ADAMTS18: variants seen among roughly 807,000 people sequenced by gnomAD.
The protein encoded by ADAMTS18 is A disintegrin and metalloproteinase with thrombospondin motifs 18.
Under a neutral mutation model 165.9 loss-of-function variants are expected in ADAMTS18, and 157 were observed. The observed-to-expected ratio is 0.95, with a 90% CI of 0.83 to 1.08. The LOEUF (loss-of-function observed/expected upper bound fraction) is 1.08. Among genes scored for constraint, ADAMTS18 ranks in the 50% least tolerant of loss-of-function variants. The pLI is 0.00. For synonymous variants in ADAMTS18, 782 were observed against 578.2 expected, an observed-to-expected ratio of 1.35 and a Z score of -5.06; for missense variants, 2,040 against 1,534.0, an observed-to-expected ratio of 1.33 and a Z score of -5.51.
At chr16:77,362,361 T>C (rs2056728426) in intron 6 of ADAMTS18, 97 bp from the exon 7 acceptor site, 3 of 1,402,454 alleles carry the variant, frequency 2.1e-6, no homozygotes, top group Non-Finnish European at 3.0e-6. Flanking sequence ...AACATATTTC[T>C]AGGGAAAAAG....
chr16:77,289,291 T>C lies in ADAMTS18; in HGVS notation c.3523A>G (p.Asn1175Asp), dbSNP rs1597078566. ...KPPVLRACNT[N>D]FCPAPEKRED... is the part of the protein sequence containing the mutation. ...CTCTTTTCAGGAGCTGGACAGAAGT[T>C]TGTATTACAGGCTCGTAGCACCGGA... Residue 1175 changes from asparagine (N) to aspartate (D), a missense_variant, in exon 22 of 23, where the codon AAC (asparagine) becomes GAC (aspartate). Asn to Asp is a conservative substitution (Grantham distance 23). Transcript: ENST00000282849. The C allele has an allele frequency of 6.2e-7, 1 of 1,614,138 alleles. No homozygotes were observed.
intron 3 of ADAMTS18, among the ~76,000 whole-genome samples, chr16:77,428,060 T>C (rs1244633200): frequency 6.6e-6 from 1 of 152,214 alleles, no homozygotes; most frequent in Admixed American, 6.5e-5. Flanking sequence ...TTTCCTAATA[T>C]ACACTGCATG....
intron 3 of ADAMTS18, among the ~76,000 whole-genome samples, chr16:77,380,138 T>TA (rs1809246887): frequency 6.6e-6 from 1 of 152,188 alleles, no homozygotes; most frequent in African/African-American, 2.4e-5. Flanking sequence ...CAAAATGAAT[T>TA]ATCCTTTCAC....
intron 10 of ADAMTS18, among the ~76,000 whole-genome samples, chr16:77,342,780 G>C (rs930193614): frequency 6.6e-6 from 1 of 152,192 alleles, no homozygotes; most frequent in Non-Finnish European, 1.5e-5. Context: ...TAAAGTTACA[G>C]ATGCAATTGA....
intron 11 of ADAMTS18, among the ~76,000 whole-genome samples, chr16:77,336,805 C>A (rs1460352185): frequency 6.6e-6 from 1 of 152,168 alleles, no homozygotes; most frequent in East Asian, 1.9e-4. Flanking sequence ...GTTGCCTACC[C>A]CCAATCCCCA....
chr16:77,362,621 C>A (rs2056732550), intron 6 of ADAMTS18, among the ~76,000 whole-genome samples: 1 of 152,086 alleles, frequency 6.6e-6, no homozygotes, highest in Admixed American at 6.6e-5. Flanking sequence ...TCCATAAAGC[C>A]TCATCATTAT....
chr16:77,321,731 T>G (rs80055101), intron 14 of ADAMTS18, among the ~76,000 whole-genome samples: 13,288 of 152,316 alleles, frequency 0.087, 799 homozygotes, highest in East Asian at 0.27. Context: ...ATTTACATTC[T>G]TATTTCATTT....
intron 2 of ADAMTS18, 69 bp downstream of exon 2, chr16:77,434,349 C>A: frequency 6.6e-7 from 1 of 1,518,790 alleles, no homozygotes; most frequent in Non-Finnish European, 8.8e-7. Flanking sequence ...CATCTTTTCT[C>A]TCTTTGGGGG....
At chr16:77,298,733 A>G (rs979858509) in intron 17 of ADAMTS18, among the ~76,000 whole-genome samples, 3 of 151,978 alleles carry the variant, frequency 2.0e-5, no homozygotes, top group African/African-American at 7.3e-5. Context: ...TCGAGGCAGC[A>G]GTGAGCCGTA....
rs528133145 is a variant in ADAMTS18, at chr16:77,284,046, G to T, written c.3576C>A (p.Phe1192Leu). The change falls in exon 23 of 23, where the codon TTC becomes TTA. Residue 1192 changes from phenylalanine (F) to leucine (L), a missense_variant. Coordinates refer to ENST00000282849, the MANE Select transcript of ADAMTS18 (RefSeq NM_199355.4). ...KREDPSCVDFFNWCHLVPQHG... is the reference protein window; with the variant it reads ...KREDPSCVDFLNWCHLVPQHG... ...GCTGAGGAACTAGGTGACACCAGTTGAAGAAATCTACGCAGGATGGATCCT... is the reference window on the plus strand; with the variant it reads ...GCTGAGGAACTAGGTGACACCAGTTTAAGAAATCTACGCAGGATGGATCCT... 2.5e-6 allele frequency: 4 copies of T among 1,613,270 alleles called. No individual in the cohort carries two copies. In the East Asian group the frequency reaches 8.9e-5, roughly 36 times the overall value.
chr16:77,363,487 T>C (rs1260921369), intron 6 of ADAMTS18, among the ~76,000 whole-genome samples: 2 of 151,702 alleles, frequency 1.3e-5, no homozygotes, highest in Non-Finnish European at 2.9e-5. Context: ...CTACATAAGA[T>C]TTATTTTATG....
At chr16:77,334,823 CTATATACTATAGTATACAGTATATATAA>C in intron 12 of ADAMTS18, among the ~76,000 whole-genome samples, 1 of 117,790 alleles carries the variant, frequency 8.5e-6, no homozygotes, top group Non-Finnish European at 1.7e-5. Context: ...AGTATATATA[CTATATACTATAGTATACAGTATATATAA>C]TATACTATAA....
chr16:77,289,268 C>CTTTTCA lies in ADAMTS18; in HGVS notation c.3540_3545dup (p.Glu1181_Lys1182insAsnGlu), dbSNP rs1478640157. The CTTTTCA allele has an allele frequency of 6.2e-7, 1 of 1,614,014 alleles. No individual in the cohort carries two copies. Among genetic ancestry groups the CTTTTCA allele is most frequent in the Non-Finnish European group, 8.5e-7 (1 of 1,179,998 alleles). On this transcript the variant is annotated inframe_insertion, in exon 22 of 23. Transcript: ENST00000282849. ...TGGAGCATGGTGCCTTTTTACCTCT[C>CTTTTCA]TTTTCAGGAGCTGGACAGAAGTTTG...
intron 3 of ADAMTS18, among the ~76,000 whole-genome samples, chr16:77,430,522 T>C (rs961747827): frequency 2.0e-5 from 3 of 152,228 alleles, no homozygotes; most frequent in African/African-American, 7.2e-5. Context: ...ACAATCACCA[T>C]GTGTCTCAAC....
chr16:77,326,823 G>C (rs548697572), intron 12 of ADAMTS18, among the ~76,000 whole-genome samples: 3 of 152,170 alleles, frequency 2.0e-5, no homozygotes, highest in Admixed American at 1.3e-4. Context: ...CATCACCCAG[G>C]TAATAAGCAT....
At chr16:77,290,507 T>G (rs981220668) in intron 21 of ADAMTS18, 1 of 152,346 alleles carries the variant, frequency 6.6e-6, no homozygotes, top group Non-Finnish European at 1.5e-5. Flanking sequence ...GCTAATTTCC[T>G]TTCCTCTCAT....
chr16:77,391,632 A>C (rs1053009982), intron 3 of ADAMTS18, among the ~76,000 whole-genome samples: 4 of 152,234 alleles, frequency 2.6e-5, no homozygotes, highest in African/African-American at 9.6e-5. Context: ...GATTCAATTC[A>C]TCTTCCTTTT....
intron 21 of ADAMTS18, 186 bp downstream of exon 21, chr16:77,291,080 A>G: frequency 1.7e-6 from 1 of 600,578 alleles, no homozygotes; most frequent in Admixed American, 3.2e-5. Flanking sequence ...TAGATGTGAA[A>G]ACTGAGGTTT....
chr16:77,390,895 C>T (rs1015617958), intron 3 of ADAMTS18, among the ~76,000 whole-genome samples: 15 of 152,142 alleles, frequency 9.9e-5, no homozygotes, highest in African/African-American at 3.4e-4. Flanking sequence ...CCAGTAGCCA[C>T]GTGGTTGGCA....
Sources: gnomAD v4.1 joint callset for allele counts (sites outside exome capture counted in the v4.1 genomes callset) on GRCh38, gnomAD v4.1.1 for gene constraint, MANE v1.5 for transcripts, NCBI Gene and HGNC (gene_info 2026-07-23, HGNC 2026-07-21) for gene names.